ANAPC1: variants seen among roughly 807,000 people sequenced by gnomAD.
ANAPC1 encodes the protein anaphase-promoting complex subunit 1.
In ANAPC1, 36 loss-of-function variants were observed where a neutral mutation model predicts 208.0. The ratio of observed to expected loss-of-function variants is 0.17; its 90% CI spans 0.13 to 0.23. The LOEUF is 0.23. ANAPC1 is among the 10% of genes least tolerant of loss of function. The pLI is 1.00. For missense variants in ANAPC1, 942 were observed against 2,011.6 expected, an observed-to-expected ratio of 0.47 and a Z score of 10.17; for synonymous variants, 378 against 695.2, an observed-to-expected ratio of 0.54 and a Z score of 7.18.
intron 47 of ANAPC1, among the ~76,000 whole-genome samples, chr2:111,772,008 T>TA (rs1676766667): frequency 6.8e-6 from 1 of 148,032 alleles, no homozygotes; most frequent in Non-Finnish European, 1.5e-5. Flanking sequence ...TATGTGATTC[T>TA]AAAAAACCCA....
intron 1 of ANAPC1, among the ~76,000 whole-genome samples, chr2:111,883,332 T>C (rs904460794): frequency 6.6e-6 from 1 of 152,038 alleles, no homozygotes; most frequent in Admixed American, 6.6e-5. Context: ...CTTATAACTT[T>C]GAGAGAAAAT....
At chr2:111,860,614 C>A (rs1412508886) in intron 10 of ANAPC1, among the ~76,000 whole-genome samples, 3 of 149,046 alleles carry the variant, frequency 2.0e-5, no homozygotes, top group Non-Finnish European at 4.5e-5. Context: ...TCACCAGTAC[C>A]TGGCAATACT....
chr2:111,878,084 T>C (rs1683108626), intron 3 of ANAPC1, among the ~76,000 whole-genome samples: 1 of 152,158 alleles, frequency 6.6e-6, no homozygotes, highest in Non-Finnish European at 1.5e-5. Context: ...TAGAGGTACA[T>C]TTGTTCCTTC....
chr2:111,830,860 AACTAT>A (rs1326925450), intron 21 of ANAPC1, among the ~76,000 whole-genome samples: 4 of 152,228 alleles, frequency 2.6e-5, no homozygotes, highest in African/African-American at 9.6e-5. Flanking sequence ...ATATAAACTT[AACTAT>A]ATGACCCATC....
intron 28 of ANAPC1, among the ~76,000 whole-genome samples, chr2:111,810,823 C>T (rs1678947169): frequency 7.6e-6 from 1 of 131,066 alleles, no homozygotes; most frequent in Admixed American, 8.9e-5. Flanking sequence ...GTAGAGGTTG[C>T]AGTGAGACGA....
At chr2:111,872,564 A>G in intron 6 of ANAPC1, 66 bp downstream of exon 6, 1 of 1,360,724 alleles carries the variant, frequency 7.3e-7, no homozygotes, top group Non-Finnish European at 1.0e-6. Flanking sequence ...TTTTAGATAA[A>G]CCTCAGAACC....
chr2:111,877,677 G>C (rs796712567), intron 3 of ANAPC1, among the ~76,000 whole-genome samples: 1 of 152,198 alleles, frequency 6.6e-6, no homozygotes, highest in African/African-American at 2.4e-5. Context: ...CCAGCTACTC[G>C]GGAGGGTGAG....
At chr2:111,870,059 G>A (rs1425860754) in intron 6 of ANAPC1, among the ~76,000 whole-genome samples, 2 of 152,054 alleles carry the variant, frequency 1.3e-5, no homozygotes. Context: ...TCATTTCCTC[G>A]TTATGGCTGA....
intron 28 of ANAPC1, among the ~76,000 whole-genome samples, chr2:111,815,146 G>GAAA (rs1223576868): frequency 1.9e-4 from 13 of 68,514 alleles, no homozygotes; most frequent in East Asian, 4.1e-4. Context: ...CTTACTCAAG[G>GAAA]AAAAAAAAAA....
intron 6 of ANAPC1, among the ~76,000 whole-genome samples, chr2:111,870,564 T>C (rs1164931259): frequency 1.3e-5 from 2 of 152,222 alleles, no homozygotes; most frequent in African/African-American, 4.8e-5. Context: ...AGCTTCTGTC[T>C]TGCTGATCTG....
At position 111,831,417 on chromosome 2, in the gene ANAPC1, G is replaced by A. The variant is rs1553425621; in HGVS notation, c.2494C>T (p.His832Tyr). The change falls in exon 21 of 48, where the codon CAT becomes TAT. Residue 832 changes from histidine to tyrosine, a missense_variant. Physicochemically the swap from His to Tyr is moderately conservative, Grantham distance 83 (BLOSUM62 2). Transcript: ENST00000341068. ...TIDPGQTGFMHHPSFFTSEPP... is the reference protein window; with the variant it reads ...TIDPGQTGFMYHPSFFTSEPP... ...TCAGACGTAAAAAATGATGGATGAT[G>A]CATAAATCCTGTTTGACCTTTAAAA... 2 of 1,602,676 alleles carry A rather than the reference G, an allele frequency of 1.2e-6. No individual in the cohort carries two copies. Among genetic ancestry groups the A allele is most frequent in the Non-Finnish European group, 1.7e-6 (2 of 1,174,850 alleles).
intron 10 of ANAPC1, among the ~76,000 whole-genome samples, chr2:111,859,911 A>G (rs1681961992): frequency 6.6e-6 from 1 of 152,222 alleles, no homozygotes; most frequent in South Asian, 2.1e-4. Flanking sequence ...CTTCACATTA[A>G]AAGTCTTAAA....
Position 111,829,868 on chromosome 2 carries a change from G to A in ANAPC1, c.2625+1418C>T, listed in dbSNP as rs4095916. On this transcript the variant is annotated intron_variant, in intron 21 of 47. Coordinates refer to ENST00000341068, the MANE Select transcript of ANAPC1 (RefSeq NM_022662.4). Reference sequence around the variant, plus strand: ...GCGGATCACTTGAGGTTGAAAGTTCGAGACCAGCCTGGACAATATGGTGAA... The same window carrying A: ...GCGGATCACTTGAGGTTGAAAGTTCAAGACCAGCCTGGACAATATGGTGAA... 5.3e-5 allele frequency among the ~76,000 whole-genome samples: 8 copies of A among 151,890 alleles called. No homozygotes were observed. In the South Asian group the frequency reaches 1.2e-3, roughly 24 times the overall value.
rs184458723 is a variant in ANAPC1, at chr2:111,863,659, C to G, written c.1052+16G>C. On this transcript the variant is annotated intron_variant, in intron 9 of 47. Transcript: ENST00000341068. Reference sequence around the variant, plus strand: ...AAACAGAAAGCTTAGAAAGAAAAACCAGGAAACCCTTATACCTTAGAGCTG... The same window carrying G: ...AAACAGAAAGCTTAGAAAGAAAAACGAGGAAACCCTTATACCTTAGAGCTG... The G allele has an allele frequency of 3.1e-6, 5 of 1,602,788 alleles. No individual in the cohort carries two copies. The East Asian group carries it at 1.1e-4, about 36-fold the overall frequency.
chr2:111,770,230 A>ATATAT (rs1558652585), intron 47 of ANAPC1, among the ~76,000 whole-genome samples: 1 of 89,428 alleles, frequency 1.1e-5, no homozygotes. Flanking sequence ...TATATATATA[A>ATATAT]ATTCTTTAAA....
At chr2:111,881,177 G>A (rs1406884896) in intron 1 of ANAPC1, among the ~76,000 whole-genome samples, 1 of 152,022 alleles carries the variant, frequency 6.6e-6, no homozygotes, top group Non-Finnish European at 1.5e-5. Flanking sequence ...TAGACAAGTT[G>A]TATTCTATGG....
At chr2:111,827,933 T>C (rs1431390278) in intron 21 of ANAPC1, among the ~76,000 whole-genome samples, 1 of 152,108 alleles carries the variant, frequency 6.6e-6, no homozygotes, top group Non-Finnish European at 1.5e-5. Context: ...ACGAAGAGGA[T>C]AAAACTAAGA....
intron 16 of ANAPC1, among the ~76,000 whole-genome samples, chr2:111,845,713 G>A (rs1192837851): frequency 2.0e-5 from 3 of 152,008 alleles, no homozygotes; most frequent in Non-Finnish European, 2.9e-5. Context: ...GGTGGCTCAC[G>A]CCTGTAATCC....
At position 111,784,524 on chromosome 2, in the gene ANAPC1, T is replaced by C; in HGVS notation, c.4918-124A>G. 3.1e-6 allele frequency: 4 copies of C among 1,284,846 alleles called. No individual in the cohort carries two copies. The Middle Eastern group carries it at 8.2e-4, about 265-fold the overall frequency. The allele number at this position is 1,284,846 out of a possible 1,614,324, so 79.6% of individuals were successfully genotyped here. A position where few individuals can be genotyped will look rare whatever the true frequency, so the allele number is the denominator to read the frequency against. On this transcript the variant is annotated intron_variant, in intron 40 of 47. Transcript: ENST00000341068. The stretch of plus-strand genomic sequence containing the variant: ...TTCATACAGAGACCTTTAAATGGTA[T>C]AAAATCCTCTCTGGTACTCAAATCT...
Sources: allele counts gnomAD v4.1 joint callset (sites outside exome capture counted in the v4.1 genomes callset), GRCh38; gene constraint gnomAD v4.1.1; transcripts MANE v1.5; gene names NCBI Gene and HGNC (gene_info 2026-07-23, HGNC 2026-07-21).